The following PSD3 variants were observed in gnomAD, a reference collection of about 807,000 sequenced individuals.
PSD3 encodes PH and SEC7 domain-containing protein 3.
In PSD3, 49 loss-of-function variants were observed where a neutral mutation model predicts 105.5. That is an observed-to-expected ratio of 0.46 (90% CI 0.37 to 0.59). The LOEUF (loss-of-function observed/expected upper bound fraction) is 0.59. PSD3 is among the 20% of genes least tolerant of loss of function. PSD3 has a pLI of 0.00. For missense variants in PSD3, 1,561 were observed against 1,263.8 expected, an observed-to-expected ratio of 1.24 and a Z score of -3.57; for synonymous variants, 557 against 457.8, an observed-to-expected ratio of 1.22 and a Z score of -2.77.
chr8:18,936,261 T>A lies in PSD3; in HGVS notation c.22-119A>T, dbSNP rs1483379734. ...ATTATGACATATGTACTCAAAGCTA[T>A]CTAACCATTCAAAATGAAACATGAA... On this transcript the variant is annotated intron_variant, in intron 1 of 15. Coordinates refer to ENST00000327040, the MANE Select transcript of PSD3 (RefSeq NM_015310.4). 4 of 644,856 alleles carry A rather than the reference T, an allele frequency of 6.2e-6. No homozygotes were observed. In the African/African-American group the frequency reaches 7.2e-5, roughly 12 times the overall value. 39.9% of individuals were successfully genotyped at this position (644,856 alleles called of 1,614,324 possible).
At position 18,902,827 on chromosome 8, in the gene PSD3, G is replaced by A. The variant is rs150250381; in HGVS notation, c.131-30094C>T. 3.4e-4 allele frequency among the ~76,000 whole-genome samples: 52 copies of A among 152,334 alleles called. No homozygotes were observed. In the East Asian group the frequency reaches 4.8e-3, roughly 14 times the overall value. The stretch of plus-strand genomic sequence containing the variant: ...TCAGTGGCGTATGTTGTAGATGTTC[G>A]TGGCAGTGGTGACAGTGGCATAGGC... On this transcript the variant is annotated intron_variant, in intron 2 of 15. Transcript: ENST00000327040.
intron 11 of PSD3, among the ~76,000 whole-genome samples, chr8:18,622,418 C>G (rs531052635): frequency 1.3e-5 from 2 of 152,218 alleles, no homozygotes; most frequent in Non-Finnish European, 2.9e-5. Context: ...AGGCTGTAAA[C>G]ACACTCTCAG....
intron 8 of PSD3, chr8:18,774,665 G>C (rs893034102): frequency 1.3e-4 from 48 of 365,252 alleles, no homozygotes; most frequent in South Asian, 9.9e-4. Flanking sequence ...AAGTATTCTT[G>C]GGCCACAGAT....
chr8:18,808,338 T>G (rs919379952), intron 4 of PSD3, among the ~76,000 whole-genome samples: 1 of 152,230 alleles, frequency 6.6e-6, no homozygotes, highest in Non-Finnish European at 1.5e-5. Flanking sequence ...AATCATTCTG[T>G]GCAAACAATG....
At chr8:18,674,888 T>C (rs1394469881) in intron 9 of PSD3, among the ~76,000 whole-genome samples, 1 of 152,040 alleles carries the variant, frequency 6.6e-6, no homozygotes, top group Non-Finnish European at 1.5e-5. Flanking sequence ...ATGTGCCTAG[T>C]TACTCAGGAA....
At chr8:18,852,152 C>T (rs571006957) in intron 4 of PSD3, among the ~76,000 whole-genome samples, 19 of 150,542 alleles carry the variant, frequency 1.3e-4, no homozygotes, top group Admixed American at 5.3e-4. Context: ...ATTTTTGAGG[C>T]AGGAAAAAAA....
At chr8:18,755,841 T>G (rs751922012) in intron 9 of PSD3, among the ~76,000 whole-genome samples, 34 of 152,060 alleles carry the variant, frequency 2.2e-4, no homozygotes, top group Admixed American at 3.3e-4. Flanking sequence ...CGTCACCATT[T>G]TTCATTCATG....
chr8:18,648,479 G>A (rs1316354577), intron 10 of PSD3, among the ~76,000 whole-genome samples: 1 of 152,220 alleles, frequency 6.6e-6, no homozygotes, highest in Non-Finnish European at 1.5e-5. Flanking sequence ...TTTCTAAGCA[G>A]CAAAGCATTA....
At chr8:18,671,319 A>G (rs972292821) in intron 9 of PSD3, among the ~76,000 whole-genome samples, 1 of 152,200 alleles carries the variant, frequency 6.6e-6, no homozygotes. Flanking sequence ...TTTGAACTTC[A>G]GATAAATAAT....
intron 1 of PSD3, among the ~76,000 whole-genome samples, chr8:19,035,722 C>A (rs781061693): frequency 2.6e-5 from 4 of 151,558 alleles, no homozygotes; most frequent in African/African-American, 2.4e-5. Context: ...ATAGTGATGA[C>A]CAAAATATCC....
At chr8:18,625,771 A>G (rs1314559755) in intron 11 of PSD3, among the ~76,000 whole-genome samples, 1 of 152,180 alleles carries the variant, frequency 6.6e-6, no homozygotes, top group East Asian at 1.9e-4. Flanking sequence ...CAGTGTCTTC[A>G]TGTATAAAAT....
chr8:18,639,247 C>T (rs190745356), intron 10 of PSD3, among the ~76,000 whole-genome samples: 5 of 151,632 alleles, frequency 3.3e-5, no homozygotes, highest in African/African-American at 1.2e-4. Flanking sequence ...AAGTTTTCTA[C>T]TGTTTTAAAT....
At chr8:19,084,135 G>T in intron 1 of PSD3, 1 of 376,898 alleles carries the variant, frequency 2.7e-6, no homozygotes, top group Non-Finnish European at 5.3e-6. Context: ...CCAGAAATTG[G>T]AGGCCAGGGT....
intron 11 of PSD3, among the ~76,000 whole-genome samples, chr8:18,615,938 G>A (rs997988353): frequency 2.0e-5 from 3 of 152,242 alleles, no homozygotes; most frequent in Admixed American, 2.0e-4. Flanking sequence ...AAATGCCTCC[G>A]GGCAAAAACA....
intron 4 of PSD3, among the ~76,000 whole-genome samples, chr8:18,828,828 G>A (rs982260168): frequency 1.5e-4 from 23 of 151,876 alleles, no homozygotes; most frequent in Non-Finnish European, 2.5e-4. Context: ...ATTGGGCATC[G>A]GGGCACATAC....
chr8:18,872,436 G>A lies in PSD3; in HGVS notation c.428C>T (p.Ala143Val), dbSNP rs192399496. Reference sequence around the variant, plus strand: ...CTGTAATGTTCCGGAAATGATTCTGGCTTCTGTGGCTTTCAGAGCTGAAAT... The same window carrying A: ...CTGTAATGTTCCGGAAATGATTCTGACTTCTGTGGCTTTCAGAGCTGAAAT... ...SLISALKATE[A>V]RIISGTLQAT... Residue 143 changes from alanine to valine, a missense_variant, in exon 3 of 16, where the codon GCC (alanine) becomes GTC (valine). Ala to Val is a moderately conservative substitution (Grantham distance 64, BLOSUM62 0). Coordinates refer to ENST00000327040, the MANE Select transcript of PSD3 (RefSeq NM_015310.4). 1 of 1,614,016 alleles carries A rather than the reference G, an allele frequency of 6.2e-7. No homozygotes were observed. Among genetic ancestry groups the A allele is most frequent in the East Asian group, 2.2e-5 (1 of 44,890 alleles).
At chr8:19,070,424 A>G (rs192498790) in intron 1 of PSD3, among the ~76,000 whole-genome samples, 1 of 151,838 alleles carries the variant, frequency 6.6e-6, no homozygotes, top group East Asian at 1.9e-4. Flanking sequence ...ATATAAAAAT[A>G]TAAACAGTTG....
intron 9 of PSD3, among the ~76,000 whole-genome samples, chr8:18,752,528 AATTATAT>A (rs1805612949): frequency 2.0e-5 from 1 of 49,408 alleles, no homozygotes; most frequent in East Asian, 5.3e-4. Context: ...TAATATATAT[AATTATAT>A]ATTATATATA....
At position 18,684,689 on chromosome 8, in the gene PSD3, G is replaced by A. The variant is rs138314053; in HGVS notation, c.2173-29004C>T. 1.9e-4 allele frequency among the ~76,000 whole-genome samples: 29 copies of A among 152,260 alleles called. No homozygotes were observed. The East Asian group carries it at 5.2e-3, about 27-fold the overall frequency. On this transcript the variant is annotated intron_variant, in intron 9 of 15. Transcript: ENST00000327040. The stretch of plus-strand genomic sequence containing the variant: ...CAAGAGGAATTATGTCAGTGTGTAC[G>A]GCAAATCCAGAATAAAGATGTTCTG...
Sources: allele counts gnomAD v4.1 joint callset (sites outside exome capture counted in the v4.1 genomes callset), GRCh38; gene constraint gnomAD v4.1.1; transcripts MANE v1.5; gene names NCBI Gene and HGNC (gene_info 2026-07-23, HGNC 2026-07-21).